CHN2: variants seen among roughly 807,000 people sequenced by gnomAD.
CHN2 encodes the protein chimerin 2, also known as beta-chimaerin.
A neutral mutation model predicts 56.3 loss-of-function variants in CHN2; 35 were observed. That is an observed-to-expected ratio of 0.62 (90% confidence interval 0.47 to 0.82). The LOEUF is 0.82. CHN2 is among the 40% of genes least tolerant of loss of function. CHN2 has a pLI of 0.00. For synonymous variants in CHN2, 210 were observed against 212.8 expected, an observed-to-expected ratio of 0.99 and a Z score of 0.12; for missense variants, 491 against 580.5, an observed-to-expected ratio of 0.85 and a Z score of 1.58.
intron 6 of CHN2, among the ~76,000 whole-genome samples, chr7:29,428,980 G>A (rs1166790717): frequency 1.3e-5 from 2 of 152,124 alleles, no homozygotes; most frequent in African/African-American, 4.8e-5. Flanking sequence ...AGGTTTCTAT[G>A]GGCCAGTCCT....
intron 1 of CHN2, among the ~76,000 whole-genome samples, chr7:29,219,378 A>T (rs933427039): frequency 6.6e-6 from 1 of 152,220 alleles, no homozygotes; most frequent in Non-Finnish European, 1.5e-5. Context: ...GGGAGAAAAA[A>T]TATTTTTAAA....
chr7:29,279,213 C>T (rs780458830), intron 1 of CHN2, among the ~76,000 whole-genome samples: 3 of 152,212 alleles, frequency 2.0e-5, no homozygotes, highest in Admixed American at 1.3e-4. Flanking sequence ...TTTACAATGT[C>T]AAAAGGGCAA....
At chr7:29,171,075 A>C (rs1796541726) in intron 2 of CHN2, among the ~76,000 whole-genome samples, 1 of 152,166 alleles carries the variant, frequency 6.6e-6, no homozygotes, top group African/African-American at 2.4e-5. Flanking sequence ...GATTTATTAA[A>C]AAACGACTTT....
chr7:29,400,809 A>G lies in CHN2; in HGVS notation c.557A>G (p.Glu186Gly). The part of the protein sequence containing the change: ...EPRKTNVTHE[E>G]HTAVEKISSL... ...AGAAAAACAAACGTCACACATGAAG[A>G]ACACACAGCGGTGGAAAAGGTGAGC... is the stretch of plus-strand genomic sequence containing the variant. Residue 186 changes from glutamate (E) to glycine (G), a missense_variant, in exon 6 of 13, where the codon GAA becomes GGA. Physicochemically the swap from Glu to Gly is moderately conservative, Grantham distance 98. Transcript: ENST00000222792. The G allele has an allele frequency of 3.1e-6, 5 of 1,613,800 alleles. No homozygotes were observed. The highest frequency in any genetic ancestry group is 4.2e-6 in the Non-Finnish European group (5 of 1,179,906).
At position 29,273,372 on chromosome 7, in the gene CHN2, TATATATATATATATATAC is replaced by T. The variant is rs1291151998; in HGVS notation, c.49+78384_49+78401del. On this transcript the variant is annotated intron_variant, in intron 1 of 12. Transcript: ENST00000222792. ...ATATATATATATATATATATATATA[TATATATATATATATATAC>T]ACACACCACATTTTCTTTATTGGTT... is the stretch of plus-strand genomic sequence containing the variant. 9.6e-4 allele frequency among the ~76,000 whole-genome samples: 48 copies of T among 50,118 alleles called. 4 individuals carry two copies. The highest frequency in any genetic ancestry group is 7.0e-3 in the South Asian group (10 of 1,436). The allele number at this position is 50,118 out of a possible 152,430, so 32.9% of individuals were successfully genotyped here.
intron 7 of CHN2, among the ~76,000 whole-genome samples, chr7:29,485,425 T>G (rs1410369410): frequency 6.6e-6 from 1 of 152,014 alleles, no homozygotes; most frequent in Non-Finnish European, 1.5e-5. Context: ...TGGTGATGTA[T>G]AAAAAAACAG....
At chr7:29,387,723 C>G (rs1020860593) in intron 3 of CHN2, among the ~76,000 whole-genome samples, 3 of 152,226 alleles carry the variant, frequency 2.0e-5, no homozygotes, top group African/African-American at 7.2e-5. Context: ...CACATTATAT[C>G]TGTAATTTCC....
At position 29,194,959 on chromosome 7, in the gene CHN2, C is replaced by T. The variant is rs1434053556; in HGVS notation, c.18C>T (p.Asn6=). The T allele has an allele frequency of 8.2e-6, 13 of 1,584,050 alleles. No individual in the cohort carries two copies. The highest frequency in any genetic ancestry group is 1.0e-5 in the Non-Finnish European group (12 of 1,168,108). ...GCGCGGAGATGGCAGCGTCCAGCAA[C>T]TCCAGCCTGTCCGGCTCGTCGGTGT... MAASS[N]SSLSGSSVSS... Residue 6 remains asparagine, a synonymous_variant, in exon 1 of 13, where the codon AAC becomes AAT. Transcript: ENST00000222792.
At chr7:29,403,777 G>T (rs926999690) in intron 6 of CHN2, among the ~76,000 whole-genome samples, 4 of 152,158 alleles carry the variant, frequency 2.6e-5, no homozygotes, top group African/African-American at 9.7e-5. Flanking sequence ...CCACCATTCG[G>T]TGCATCTAAT....
chr7:29,386,335 C>G (rs1469499464), intron 3 of CHN2, among the ~76,000 whole-genome samples: 1 of 152,186 alleles, frequency 6.6e-6, no homozygotes, highest in African/African-American at 2.4e-5. Flanking sequence ...CAAATCCCCC[C>G]ATCAAAAGCC....
chr7:29,199,990 A>G, intron 1 of CHN2: 1 of 152,618 alleles, frequency 6.6e-6, no homozygotes, highest in Non-Finnish European at 1.5e-5. Context: ...GCTGAGGGCC[A>G]TCTGCTGCTC....
intron 1 of CHN2, among the ~76,000 whole-genome samples, chr7:29,196,807 A>C (rs577295669): frequency 2.0e-5 from 3 of 152,218 alleles, no homozygotes; most frequent in Non-Finnish European, 4.4e-5. Context: ...GATTTAGATG[A>C]TGGTAATTGC....
chr7:29,372,142 T>G (rs923688839), intron 3 of CHN2, among the ~76,000 whole-genome samples: 1 of 152,058 alleles, frequency 6.6e-6, no homozygotes, highest in African/African-American at 2.4e-5. Flanking sequence ...GTCACTGCCC[T>G]GTCTGTACCA....
Position 29,148,205 on chromosome 7 carries a change from T to C in CHN2, c.274+1245T>C, listed in dbSNP as rs77649331. 1.7e-3 allele frequency among the ~76,000 whole-genome samples: 257 copies of C among 152,314 alleles called. 2 individuals carry two copies. In the East Asian group the frequency reaches 0.022, roughly 13 times the overall value. On this transcript the variant is annotated intron_variant, in intron 2 of 6. Coordinates refer to the CHN2 transcript ENST00000439384. ...AATTTGGAATTTGCCTTCTAAAGTG[T>C]GGGCCCTGGACAAGGGCTCCTTGGG...
chr7:29,269,877 A>G (rs1469596191), intron 1 of CHN2, among the ~76,000 whole-genome samples: 1 of 152,124 alleles, frequency 6.6e-6, no homozygotes, highest in Non-Finnish European at 1.5e-5. Context: ...AATCATTCTA[A>G]TAGGCTTCTG....
chr7:29,184,847 G>A lies in CHN2; in HGVS notation c.274+37887G>A, dbSNP rs2128747304. ...ACCTGAGTTAACCACTGTAAACATT[G>A]TGGTTGACTTAATTATTCACCCTTT... On this transcript the variant is annotated intron_variant, in intron 2 of 6. Coordinates refer to the CHN2 transcript ENST00000439384. 2.0e-5 allele frequency among the ~76,000 whole-genome samples: 3 copies of A among 152,308 alleles called. No individual in the cohort carries two copies. The South Asian group carries it at 6.2e-4, about 32-fold the overall frequency.
chr7:29,220,052 G>A (rs1297629395), intron 1 of CHN2, among the ~76,000 whole-genome samples: 1 of 151,830 alleles, frequency 6.6e-6, no homozygotes, highest in Non-Finnish European at 1.5e-5. Flanking sequence ...CTCAGCCTGG[G>A]TGACAGAGCA....
intron 1 of CHN2, among the ~76,000 whole-genome samples, chr7:29,269,611 T>G (rs925334213): frequency 1.1e-4 from 16 of 152,240 alleles, no homozygotes; most frequent in African/African-American, 3.6e-4. Flanking sequence ...ATTTTCAGTT[T>G]TTTGAGGAAA....
chr7:29,165,447 T>A (rs562591964), intron 2 of CHN2, among the ~76,000 whole-genome samples: 24 of 152,336 alleles, frequency 1.6e-4, no homozygotes, highest in Middle Eastern at 3.4e-3. Flanking sequence ...AGATTTTTTT[T>A]AAATCACCTA....
Sources: gnomAD v4.1 joint callset for allele counts (sites outside exome capture counted in the v4.1 genomes callset) on GRCh38, gnomAD v4.1.1 for gene constraint, MANE v1.5 for transcripts, NCBI Gene and HGNC (gene_info 2026-07-23, HGNC 2026-07-21) for gene names.